The following FXR1 variants were observed in gnomAD, a reference collection of about 807,000 sequenced individuals.
The protein encoded by FXR1 is FMR1 autosomal homolog 1, also known as RNA-binding protein FXR1.
Under a neutral mutation model 84.0 loss-of-function variants are expected in FXR1, and 15 were observed. That is an observed-to-expected ratio of 0.18 (90% CI 0.12 to 0.27). FXR1 has a LOEUF of 0.27. Among genes scored for constraint, FXR1 ranks in the 10% least tolerant of loss-of-function variants. FXR1 has a pLI of 1.00. For synonymous variants in FXR1, 245 were observed against 250.7 expected (o/e 0.98, Z 0.21); for missense variants, 480 against 774.4 (o/e 0.62, Z 4.51).
Position 180,982,502 on chromosome 3 carries a change from G to C in FXR1, c.*6210G>C, listed in dbSNP as rs1714659472. On this transcript the variant is annotated 3_prime_UTR_variant, in exon 17 of 17. Coordinates refer to ENST00000357559, the MANE Select transcript of FXR1 (RefSeq NM_005087.4). Reference sequence around the variant, plus strand: ...CTGCTGTGCTCCTTGGTATTTTTAAGTGGTTTCCATTGTCTTAACACCTGT... The same window carrying C: ...CTGCTGTGCTCCTTGGTATTTTTAACTGGTTTCCATTGTCTTAACACCTGT... The C allele has an allele frequency of 6.6e-6, 1 of 152,144 alleles. No individual in the cohort carries two copies. The highest frequency in any genetic ancestry group is 1.5e-5 in the Non-Finnish European group (1 of 67,988). The allele number at this position is 152,144 out of a possible 1,614,324, so 9.4% of individuals were successfully genotyped here.
intron 9 of FXR1, among the ~76,000 whole-genome samples, chr3:180,956,362 T>C (rs1722737618): frequency 6.6e-6 from 1 of 152,218 alleles, no homozygotes; most frequent in Non-Finnish European, 1.5e-5. Context: ...GTCTGGAATT[T>C]AAACTATGGA....
chr3:180,913,922 T>A (rs1717559221), intron 1 of FXR1, among the ~76,000 whole-genome samples: 1 of 152,238 alleles, frequency 6.6e-6, no homozygotes, highest in Admixed American at 6.5e-5. Flanking sequence ...TATGGGTTTT[T>A]ATTTTATTTG....
At chr3:180,931,065 C>G (rs1719841873) in intron 1 of FXR1, among the ~76,000 whole-genome samples, 2 of 141,386 alleles carry the variant, frequency 1.4e-5, no homozygotes, top group African/African-American at 5.5e-5. Context: ...ATGTGCCCTA[C>G]TAGAAATAGA....
At chr3:180,933,563 A>G (rs1386036161) in intron 2 of FXR1, among the ~76,000 whole-genome samples, 177 bp downstream of exon 2, 1 of 152,064 alleles carries the variant, frequency 6.6e-6, no homozygotes, top group African/African-American at 2.4e-5. Context: ...TCTGTCCATA[A>G]TTGTCACTTT....
chr3:180,930,794 G>A (rs1719794439), intron 1 of FXR1, among the ~76,000 whole-genome samples: 1 of 152,022 alleles, frequency 6.6e-6, no homozygotes, highest in South Asian at 2.1e-4. Flanking sequence ...CAGCACTTTG[G>A]GAGGCTGAGG....
chr3:180,938,907 A>G (rs759838533), intron 3 of FXR1, among the ~76,000 whole-genome samples: 1 of 147,364 alleles, frequency 6.8e-6, no homozygotes, highest in Non-Finnish European at 1.5e-5. Context: ...TTTATTTTTT[A>G]TTTTTTGAGA....
intron 3 of FXR1, among the ~76,000 whole-genome samples, chr3:180,938,025 A>G (rs1225966217): frequency 6.6e-6 from 1 of 152,128 alleles, no homozygotes; most frequent in Admixed American, 6.5e-5. Context: ...GTATTCACTT[A>G]ATTAGGACAG....
rs1259292155 is a variant in FXR1 at position 180,980,401 on chromosome 3, T to G, written c.*4109T>G. On this transcript the variant is annotated 3_prime_UTR_variant, in exon 17 of 17. Coordinates refer to ENST00000357559, the MANE Select transcript of FXR1 (RefSeq NM_005087.4). The stretch of plus-strand genomic sequence containing the variant: ...GGGATGTTCTTTTTTTTTGGGAAAG[T>G]TTTTTTACCCCTTTGTACCCTCTTA... 2 of 148,362 alleles carry G rather than the reference T, an allele frequency of 1.3e-5. No homozygotes were observed. Among genetic ancestry groups the G allele is most frequent in the Non-Finnish European group, 3.1e-5 (2 of 65,152 alleles). The allele number at this position is 148,362 out of a possible 1,614,324, so 9.2% of individuals were successfully genotyped here. A position where few individuals can be genotyped will look rare whatever the true frequency, so the allele number is the denominator to read the frequency against.
chr3:180,928,983 G>A (rs959661696), intron 1 of FXR1, among the ~76,000 whole-genome samples: 2 of 151,668 alleles, frequency 1.3e-5, no homozygotes, highest in South Asian at 4.2e-4. Context: ...AGTGCAATGC[G>A]CTTTCTCGGC....
Position 180,951,454 on chromosome 3 carries a change from A to C in FXR1, c.787A>C (p.Arg263=), listed in dbSNP as rs142641159. Residue 263 remains arginine (R), a synonymous_variant, in exon 8 of 17, where the codon AGA becomes CGA. Transcript: ENST00000357559. ...IELDEDTGTF[R]IYGESADAVK... ...GCTAGATGAAGATACTGGAACATTC[A>C]GAATCTACGGAGAGGTAAGTTCTCT... is the stretch of plus-strand genomic sequence containing the variant. The C allele has an allele frequency of 4.7e-5, 76 of 1,611,740 alleles. No individual in the cohort carries two copies. In the East Asian group the frequency reaches 1.7e-3, roughly 36 times the overall value.
chr3:180,975,610 A>C (rs1172125536), intron 16 of FXR1, among the ~76,000 whole-genome samples: 1 of 152,210 alleles, frequency 6.6e-6, no homozygotes, highest in Non-Finnish European at 1.5e-5. Context: ...TTAGAGCTTC[A>C]AATAGCATTT....
intron 1 of FXR1, among the ~76,000 whole-genome samples, chr3:180,931,790 G>GATCC (rs1319929512): frequency 7.0e-6 from 1 of 143,218 alleles, no homozygotes; most frequent in African/African-American, 2.6e-5. Flanking sequence ...ACCCAGGCTG[G>GATCC]AGTGCAGCAG....
chr3:180,943,018 G>A lies in FXR1; in HGVS notation c.199-4847G>A, dbSNP rs182371105. On this transcript the variant is annotated intron_variant, in intron 3 of 16. Coordinates refer to ENST00000357559, the MANE Select transcript of FXR1 (RefSeq NM_005087.4). ...AGTCTTGCTTGTCGACCAGGCTGGA[G>A]TGCAGTGGCGTGATCTCGGCTCACT... Among the ~76,000 whole-genome samples the A allele has an allele frequency of 6.4e-3, 969 of 152,246 alleles. 5 individuals are homozygous for A. The highest frequency in any genetic ancestry group is 9.3e-3 in the Non-Finnish European group (633 of 68,008).
In FXR1 at chr3:180,922,139, C is replaced by T. The variant is rs559650771; in HGVS notation, c.51+9403C>T. Among the ~76,000 whole-genome samples the T allele has an allele frequency of 5.3e-5, 8 of 152,076 alleles. No individual in the cohort carries two copies. In the South Asian group the frequency reaches 8.3e-4, roughly 16 times the overall value. On this transcript the variant is annotated intron_variant, in intron 1 of 16. Transcript: ENST00000357559. The stretch of plus-strand genomic sequence containing the variant: ...ATACACTTTGTTTTCAGTTTTTTGT[C>T]GCTCCACATAACTATTTCCATTGGA...
chr3:180,964,360 G>A (rs961956888), intron 13 of FXR1, among the ~76,000 whole-genome samples: 2 of 152,062 alleles, frequency 1.3e-5, no homozygotes, highest in African/African-American at 4.8e-5. Context: ...TGGATGATGC[G>A]TATGATGAAT....
At chr3:180,919,165 T>C (rs1487620600) in intron 1 of FXR1, among the ~76,000 whole-genome samples, 1 of 152,132 alleles carries the variant, frequency 6.6e-6, no homozygotes, top group Non-Finnish European at 1.5e-5. Context: ...CCACCAGCCA[T>C]GGAGCTGAAA....
At chr3:180,946,823 C>T (rs1721742391) in intron 3 of FXR1, among the ~76,000 whole-genome samples, 1 of 152,122 alleles carries the variant, frequency 6.6e-6, no homozygotes, top group African/African-American at 2.4e-5. Context: ...TGATAGGTTT[C>T]CCTGATGATC....
At chr3:180,940,585 C>CGTTTTTTT (rs369172519) in intron 3 of FXR1, among the ~76,000 whole-genome samples, 2 of 147,472 alleles carry the variant, frequency 1.4e-5, no homozygotes, top group African/African-American at 5.0e-5. Flanking sequence ...TTTCTGTTTT[C>CGTTTTTTT]TTTTTTTTTT....
intron 3 of FXR1, among the ~76,000 whole-genome samples, chr3:180,945,059 C>T (rs1194089517): frequency 6.6e-6 from 1 of 152,192 alleles, no homozygotes; most frequent in Non-Finnish European, 1.5e-5. Context: ...ATACATGAAC[C>T]TAGAACATAC....
Sources: allele counts gnomAD v4.1 joint callset (sites outside exome capture counted in the v4.1 genomes callset), GRCh38; gene constraint gnomAD v4.1.1; transcripts MANE v1.5; gene names NCBI Gene and HGNC (gene_info 2026-07-23, HGNC 2026-07-21).